The following ACAA2 variants were observed in gnomAD, a reference collection of about 807,000 sequenced individuals.
ACAA2 encodes the protein 3-ketoacyl-CoA thiolase, mitochondrial.
In ACAA2, 35 loss-of-function variants were observed where a neutral mutation model predicts 44.8. That is an observed-to-expected ratio of 0.78 (90% confidence interval 0.60 to 1.04). ACAA2 has a LOEUF of 1.04. Ranked by LOEUF, ACAA2 falls within the 50% of genes least tolerant of loss-of-function variation. ACAA2 has a pLI of 0.00. For missense variants in ACAA2, 468 were observed against 482.6 expected (o/e 0.97, Z 0.28); for synonymous variants, 142 against 166.5 (o/e 0.85, Z 1.13).
chr18:49,812,765 T>A (rs1024161323), intron 1 of ACAA2: 5 of 152,204 alleles, frequency 3.3e-5, no homozygotes, highest in African/African-American at 1.2e-4. Context: ...ACCAAAATGC[T>A]TGGTTCTTAG....
chr18:49,801,372 A>G (rs902909404), intron 2 of ACAA2, among the ~76,000 whole-genome samples: 5 of 152,252 alleles, frequency 3.3e-5, no homozygotes, highest in Admixed American at 2.0e-4. Context: ...ATAAAGTTTG[A>G]GAGAATACAT....
intron 2 of ACAA2, among the ~76,000 whole-genome samples, chr18:49,800,300 C>T (rs1451726252): frequency 6.6e-6 from 1 of 151,050 alleles, no homozygotes; most frequent in Non-Finnish European, 1.5e-5. Context: ...GCCCGGCCAG[C>T]CGCCCCGTCC....
chr18:49,782,796 T>G lies in ACAA2; in HGVS notation c.*1051A>C, dbSNP rs1042048031. ...CCAGGAGGCGGAGCTTGCAGTAAGC[T>G]GAGATCGCGCCACTGCACTCCAGCC... On this transcript the variant is annotated 3_prime_UTR_variant, in exon 10 of 10. Coordinates refer to ENST00000285093, the MANE Select transcript of ACAA2 (RefSeq NM_006111.3). 1 of 150,062 alleles carries G rather than the reference T, an allele frequency of 6.7e-6. No homozygotes were observed. The highest frequency in any genetic ancestry group is 2.1e-4 in the South Asian group (1 of 4,774). 9.3% of individuals were successfully genotyped at this position (150,062 alleles called of 1,614,324 possible).
intron 2 of ACAA2, among the ~76,000 whole-genome samples, chr18:49,798,419 C>T (rs2023489895): frequency 6.6e-6 from 1 of 151,774 alleles, no homozygotes; most frequent in Non-Finnish European, 1.5e-5. Context: ...TAACCATTTC[C>T]CTGGTGAAGC....
intron 2 of ACAA2, among the ~76,000 whole-genome samples, chr18:49,801,814 A>ATATATATATATATC (rs1491158195): frequency 1.1e-3 from 149 of 134,972 alleles, no homozygotes; most frequent in African/African-American, 3.8e-3. Context: ...ATATATATAT[A>ATATATATATATATC]TCTTATCTTT....
intron 1 of ACAA2, chr18:49,811,540 A>G (rs2023669877): frequency 6.6e-6 from 1 of 152,218 alleles, no homozygotes; most frequent in Non-Finnish European, 1.5e-5. Context: ...GAAATCTGAC[A>G]AATTAATGTT....
At chr18:49,789,726 G>C (rs921933730) in intron 7 of ACAA2, among the ~76,000 whole-genome samples, 1 of 151,210 alleles carries the variant, frequency 6.6e-6, no homozygotes, top group Admixed American at 6.6e-5. Context: ...GCTCACGCCT[G>C]TAATCCTAGC....
intron 2 of ACAA2, among the ~76,000 whole-genome samples, chr18:49,799,872 C>A: frequency 1.3e-5 from 1 of 75,162 alleles, no homozygotes; most frequent in Non-Finnish European, 2.7e-5. Context: ...CGGCCGCGAC[C>A]CCATCTGGGA....
chr18:49,786,558 C>T (rs1404184240), intron 8 of ACAA2: 1 of 152,178 alleles, frequency 6.6e-6, no homozygotes, highest in Non-Finnish European at 1.5e-5. Context: ...GAGGAAATCA[C>T]ACCTGTGCCT....
intron 1 of ACAA2, among the ~76,000 whole-genome samples, chr18:49,808,481 T>C (rs560422522): frequency 6.6e-6 from 1 of 152,302 alleles, no homozygotes; most frequent in African/African-American, 2.4e-5. Context: ...AATATTTCAG[T>C]GTAGGTTCTA....
At position 49,795,749 on chromosome 18, in the gene ACAA2, T is replaced by G. The variant is rs770138784; in HGVS notation, c.429+16A>C. 6.7e-7 allele frequency: 1 copy of G among 1,496,318 alleles called. No homozygotes were observed. The highest frequency in any genetic ancestry group is 9.1e-7 in the Non-Finnish European group (1 of 1,100,002). The allele number at this position is 1,496,318 out of a possible 1,614,324, so 92.7% of individuals were successfully genotyped here. The stretch of plus-strand genomic sequence containing the variant: ...GCTAATAAGAACTAATTCTTTTAAA[T>G]TTTTATGGTTCCAACCTTGATATCT... On this transcript the variant is annotated intron_variant, in intron 4 of 9. Transcript: ENST00000285093.
At chr18:49,810,722 C>T (rs1047363360) in intron 1 of ACAA2, among the ~76,000 whole-genome samples, 1 of 151,676 alleles carries the variant, frequency 6.6e-6, no homozygotes, top group African/African-American at 2.4e-5. Context: ...GGGTTTCACT[C>T]TGTCACCCAG....
chr18:49,786,151 T>C (rs1013222113), intron 8 of ACAA2: 7 of 152,108 alleles, frequency 4.6e-5, no homozygotes, highest in Non-Finnish European at 8.8e-5. Context: ...TTTCCTACTA[T>C]ACTTTGTGGT....
rs2023292062 is a variant in ACAA2, at chr18:49,783,690, A to T, written c.*157T>A. On this transcript the variant is annotated 3_prime_UTR_variant, in exon 10 of 10. Transcript: ENST00000285093. ...CTTCTAGCATGGGCTCCTATTCATG[A>T]TCAATGCATTTTTGTGTCACCATGG... 1.7e-6 allele frequency: 1 copy of T among 598,614 alleles called. No homozygotes were observed. The allele number at this position is 598,614 out of a possible 1,614,324, so 37.1% of individuals were successfully genotyped here.
intron 2 of ACAA2, among the ~76,000 whole-genome samples, chr18:49,798,064 C>A (rs200651388): frequency 6.6e-6 from 1 of 152,124 alleles, no homozygotes; most frequent in Non-Finnish European, 1.5e-5. Flanking sequence ...GAGGAAGTAT[C>A]GGAGGCTGTG....
intron 7 of ACAA2, among the ~76,000 whole-genome samples, chr18:49,790,170 T>C (rs574761752): frequency 1.7e-4 from 26 of 152,336 alleles, no homozygotes; most frequent in Non-Finnish European, 3.5e-4. Flanking sequence ...TTGCCAATAG[T>C]GGATAGCCAA....
intron 1 of ACAA2, among the ~76,000 whole-genome samples, chr18:49,809,992 C>A (rs577283793): frequency 6.6e-6 from 1 of 152,186 alleles, no homozygotes; most frequent in Non-Finnish European, 1.5e-5. Context: ...ATACTCCGTA[C>A]TTTCTGCTCA....
At chr18:49,791,438 T>C (rs2023397526) in intron 7 of ACAA2, 32 bp downstream of exon 7, 2 of 1,596,714 alleles carry the variant, frequency 1.3e-6, no homozygotes, top group Non-Finnish European at 1.7e-6. Flanking sequence ...CCAGAAATAT[T>C]ATAGAACCAG....
rs114539774 is a variant in ACAA2 at position 49,788,639 on chromosome 18, G to A, written c.884-1278C>T. Among the ~76,000 whole-genome samples the A allele has an allele frequency of 7.4e-3, 1,133 of 152,242 alleles. 16 individuals carry two copies. Among genetic ancestry groups the A allele is most frequent in the African/African-American group, 0.025 (1,035 of 41,528 alleles). On this transcript the variant is annotated intron_variant, in intron 7 of 9. Transcript: ENST00000285093. ...GCATCAGTTATCCAGCCTGGTGAGG[G>A]GATGAAGTAGCCAACAGTGGTGACA... is the stretch of plus-strand genomic sequence containing the variant.
Sources: gnomAD v4.1 joint callset for allele counts (sites outside exome capture counted in the v4.1 genomes callset) on GRCh38, gnomAD v4.1.1 for gene constraint, MANE v1.5 for transcripts, NCBI Gene and HGNC (gene_info 2026-07-23, HGNC 2026-07-21) for gene names.